ACSF2: variants seen among roughly 807,000 people sequenced by gnomAD.
ACSF2 encodes acyl-CoA synthetase family member 2.
Under a neutral mutation model 79.3 loss-of-function variants are expected in ACSF2, and 52 were observed. That is an observed-to-expected ratio of 0.66 (90% confidence interval 0.53 to 0.83). The LOEUF (loss-of-function observed/expected upper bound fraction) is 0.83, where lower values mean the gene tolerates loss of function less well. Among genes scored for constraint, ACSF2 ranks in the 40% least tolerant of loss-of-function variants. The pLI is 0.00. For synonymous variants in ACSF2, 283 were observed against 312.6 expected, an observed-to-expected ratio of 0.91 and a Z score of 1.00; for missense variants, 661 against 803.3, an observed-to-expected ratio of 0.82 and a Z score of 2.14.
At position 50,471,356 on chromosome 17, in the gene ACSF2, C is replaced by G; in HGVS notation, c.1323+221C>G. 1.8e-6 allele frequency: 1 copy of G among 542,742 alleles called. No individual in the cohort carries two copies. Among genetic ancestry groups the G allele is most frequent in the Non-Finnish European group, 3.3e-6 (1 of 300,254 alleles). 33.6% of individuals were successfully genotyped at this position (542,742 alleles called of 1,614,324 possible). ...AACAGTGGCTGTGAGCGGCTGCCAG[C>G]TGAACTTCTCCGCGGCCTCCCTTCC... On this transcript the variant is annotated intron_variant, in intron 11 of 15. Transcript: ENST00000300441. This position sits in a 1 kb window ranked among gnomAD's most constrained non-coding sequence, Gnocchi z 4.1.
chr17:50,446,353 A>AT (rs1488258607), intron 1 of ACSF2, among the ~76,000 whole-genome samples: 1 of 151,932 alleles, frequency 6.6e-6, no homozygotes, highest in East Asian at 1.9e-4. Flanking sequence ...CGCCTCCCAG[A>AT]TTCAAGCGAT....
rs554365470 is a variant in ACSF2 at position 50,443,005 on chromosome 17, G to T, written c.128+16616G>T. On this transcript the variant is annotated intron_variant, in intron 1 of 15. Coordinates refer to ENST00000300441, the MANE Select transcript of ACSF2 (RefSeq NM_025149.6). The stretch of plus-strand genomic sequence containing the variant: ...GCTCACTACAACCTCCGCCTCCTGG[G>T]TTCAACTGATTCTCGTGCCTCAGCC... 2.0e-3 allele frequency among the ~76,000 whole-genome samples: 307 copies of T among 151,962 alleles called. 2 individuals carry two copies. Among genetic ancestry groups the T allele is most frequent in the African/African-American group, 6.1e-3 (253 of 41,440 alleles).
chr17:50,460,964 T>C, intron 2 of ACSF2, 92 bp downstream of exon 2: 1 of 1,407,602 alleles, frequency 7.1e-7, no homozygotes, highest in East Asian at 2.5e-5. Flanking sequence ...CACCTGGCTA[T>C]GGGGCAATGT....
intron 1 of ACSF2, among the ~76,000 whole-genome samples, chr17:50,439,166 G>A (rs1468829679): frequency 6.7e-6 from 1 of 150,174 alleles, no homozygotes; most frequent in African/African-American, 2.5e-5. Flanking sequence ...AACCTCCTGG[G>A]CTCAAGTGAT....
At chr17:50,459,151 G>A (rs931701007) in intron 1 of ACSF2, among the ~76,000 whole-genome samples, 3 of 152,218 alleles carry the variant, frequency 2.0e-5, no homozygotes, top group African/African-American at 7.2e-5. Flanking sequence ...ACGCTTGAAC[G>A]TCATGGCCCT....
At chr17:50,453,671 T>A (rs1203412197) in intron 1 of ACSF2, among the ~76,000 whole-genome samples, 2 of 152,172 alleles carry the variant, frequency 1.3e-5, no homozygotes, top group African/African-American at 2.4e-5. Flanking sequence ...ATGTTAACAT[T>A]GGGAAAATTT....
At chr17:50,460,949 G>A (rs1358732477) in intron 2 of ACSF2, 77 bp downstream of exon 2, 44 of 1,467,260 alleles carry the variant, frequency 3.0e-5, no homozygotes, top group South Asian at 7.8e-5. Flanking sequence ...AACCAGGAGC[G>A]TGGGCACCTG....
chr17:50,447,847 C>G (rs1268847144), intron 1 of ACSF2, among the ~76,000 whole-genome samples: 1 of 152,212 alleles, frequency 6.6e-6, no homozygotes, highest in Non-Finnish European at 1.5e-5. Context: ...AGATTCTCAG[C>G]TAGATGGCTT....
chr17:50,457,150 G>A (rs569610745), intron 1 of ACSF2, among the ~76,000 whole-genome samples: 12 of 152,292 alleles, frequency 7.9e-5, no homozygotes, highest in Non-Finnish European at 1.6e-4. Context: ...CTAGGACTGC[G>A]TGTCCTCACT....
Position 50,444,495 on chromosome 17 carries a change from C to A in ACSF2, c.129-16182C>A, listed in dbSNP as rs543560664. Among the ~76,000 whole-genome samples the A allele has an allele frequency of 2.6e-5, 4 of 151,980 alleles. No homozygotes were observed. The South Asian group carries it at 8.3e-4, about 32-fold the overall frequency. ...ATTTGAACCAGGGAGGTAGAAGTTGCAATGAGCTGAGATCGCACCACTGCA... is the reference window on the plus strand; with the variant it reads ...ATTTGAACCAGGGAGGTAGAAGTTGAAATGAGCTGAGATCGCACCACTGCA... On this transcript the variant is annotated intron_variant, in intron 1 of 15. Transcript: ENST00000300441.
intron 10 of ACSF2, among the ~76,000 whole-genome samples, chr17:50,466,263 A>G (rs1202418905): frequency 6.6e-6 from 1 of 150,864 alleles, no homozygotes; most frequent in Non-Finnish European, 1.5e-5. Flanking sequence ...ATTTTTTTGT[A>G]TTTTTTTAGT....
At chr17:50,451,644 T>C (rs1246130083) in intron 1 of ACSF2, among the ~76,000 whole-genome samples, 1 of 152,188 alleles carries the variant, frequency 6.6e-6, no homozygotes, top group Non-Finnish European at 1.5e-5. Flanking sequence ...GAGACAAGGT[T>C]TCATCATATT....
In ACSF2 at chr17:50,461,643, A is replaced by G; in HGVS notation, c.464A>G (p.Asn155Ser). Reference sequence around the variant, plus strand: ...CGCCGCTTCCACCAGGTGTCTGTGAACCCAGCCTACCAGGCTATGGAACTG... The same window carrying G: ...CGCCGCTTCCACCAGGTGTCTGTGAGCCCAGCCTACCAGGCTATGGAACTG... ...AQAGIILVSV[N>S]PAYQAMELEY... is the part of the protein sequence containing the mutation. Residue 155 changes from asparagine (N) to serine (S), a missense_variant, in exon 4 of 16, where the codon AAC becomes AGC. Physicochemically the swap from Asn to Ser is conservative, Grantham distance 46 (BLOSUM62 1). Coordinates refer to ENST00000300441, the MANE Select transcript of ACSF2 (RefSeq NM_025149.6). 1.2e-6 allele frequency: 2 copies of G among 1,614,060 alleles called. No individual in the cohort carries two copies. The highest frequency in any genetic ancestry group is 1.7e-6 in the Non-Finnish European group (2 of 1,179,972).
rs1278943737 is a variant in ACSF2, at chr17:50,463,716, TCTC to T, written c.1047-99_1047-97del. ...AGGACCAGTTCCTGCCTCAGGAGCT[TCTC>T]CTGCCTATTCCCTTTGCTGCAGTTT... On this transcript the variant is annotated intron_variant, in intron 8 of 15. Coordinates refer to ENST00000300441, the MANE Select transcript of ACSF2 (RefSeq NM_025149.6). The surrounding 1 kb of genome is among the most constrained non-coding windows in gnomAD (Gnocchi z 4.6). 1 of 1,473,892 alleles carries T rather than the reference TCTC, an allele frequency of 6.8e-7. No homozygotes were observed. The highest frequency in any genetic ancestry group is 1.4e-5 in the African/African-American group (1 of 72,086). The allele number at this position is 1,473,892 out of a possible 1,614,324, so 91.3% of individuals were successfully genotyped here.
At chr17:50,440,788 G>A (rs566699764) in intron 1 of ACSF2, among the ~76,000 whole-genome samples, 2 of 152,270 alleles carry the variant, frequency 1.3e-5, no homozygotes, top group Non-Finnish European at 2.9e-5. Context: ...AGGTGGGTCC[G>A]ACCAGGTGGC....
At position 50,467,074 on chromosome 17, in the gene ACSF2, GT is replaced by G. The variant is rs376105092; in HGVS notation, c.1215+2782del. Among the ~76,000 whole-genome samples the G allele has an allele frequency of 4.6e-3, 706 of 152,278 alleles. 3 individuals are homozygous for G. Among genetic ancestry groups the G allele is most frequent in the African/African-American group, 0.017 (691 of 41,544 alleles). On this transcript the variant is annotated intron_variant, in intron 10 of 15. Transcript: ENST00000300441. ...AACCAGACTCTCCTCTACCTTGTTGGTTCCCCACCCAAACCTCCTGGCTGAA... is the reference window on the plus strand; with the variant it reads ...AACCAGACTCTCCTCTACCTTGTTGGTCCCCACCCAAACCTCCTGGCTGAA...
At chr17:50,443,477 C>T (rs886174211) in intron 1 of ACSF2, among the ~76,000 whole-genome samples, 17 of 152,152 alleles carry the variant, frequency 1.1e-4, no homozygotes, top group African/African-American at 4.1e-4. Flanking sequence ...AACTGAAGAT[C>T]GATTTAGAAT....
intron 10 of ACSF2, among the ~76,000 whole-genome samples, chr17:50,466,686 C>T (rs1333050571): frequency 6.6e-6 from 1 of 152,260 alleles, no homozygotes; most frequent in Non-Finnish European, 1.5e-5. Flanking sequence ...TCCCCCACTG[C>T]CAGCCAGACG....
At chr17:50,431,282 A>G (rs2029900956) in intron 1 of ACSF2, among the ~76,000 whole-genome samples, 3 of 152,230 alleles carry the variant, frequency 2.0e-5, no homozygotes, top group Admixed American at 2.0e-4. Context: ...AAGGTAATAA[A>G]AAGATGAATG....
Sources: gnomAD v4.1 joint callset for allele counts (sites outside exome capture counted in the v4.1 genomes callset) on GRCh38, gnomAD v4.1.1 for gene constraint, Gnocchi (gnomAD v3.1) non-coding constraint, MANE v1.5 for transcripts, NCBI Gene and HGNC (gene_info 2026-07-23, HGNC 2026-07-21) for gene names.